CLNK: variants seen among roughly 807,000 people sequenced by gnomAD.
The protein encoded by CLNK is cytokine-dependent hematopoietic cell linker.
A neutral mutation model predicts 68.6 loss-of-function variants in CLNK; 74 were observed. That is an observed-to-expected ratio of 1.08 (90% CI 0.89 to 1.31). The LOEUF is 1.31. Among genes scored for constraint, CLNK ranks in the 50% most tolerant of loss-of-function variants. The pLI is 0.00. For synonymous variants in CLNK, 198 were observed against 172.2 expected, an observed-to-expected ratio of 1.15 and a Z score of -1.17; for missense variants, 553 against 515.3, an observed-to-expected ratio of 1.07 and a Z score of -0.71.
chr4:10,568,003 A>T (rs1315016404), intron 5 of CLNK, among the ~76,000 whole-genome samples: 1 of 152,256 alleles, frequency 6.6e-6, no homozygotes, highest in African/African-American at 2.4e-5. Flanking sequence ...GCTGCAGAAA[A>T]TGCTTTGGCA....
chr4:10,712,616 G>A, the CLNK span, among the ~76,000 whole-genome samples: 2 of 152,220 alleles, frequency 1.3e-5, no homozygotes, highest in African/African-American at 4.8e-5. Context: ...GTGGAATTCT[G>A]TTAAGGCATA....
chr4:10,543,857 T>C (rs1325477349), intron 8 of CLNK, among the ~76,000 whole-genome samples: 3 of 152,268 alleles, frequency 2.0e-5, no homozygotes, highest in African/African-American at 4.8e-5. Flanking sequence ...ATAACTGATG[T>C]CCTTGGCATT....
chr4:10,624,315 G>T (rs1030882640), intron 2 of CLNK, among the ~76,000 whole-genome samples: 10 of 151,320 alleles, frequency 6.6e-5, no homozygotes, highest in African/African-American at 2.2e-4. Context: ...TAGTTTTTTG[G>T]TTTTTTTTTG....
At chr4:10,495,741 G>A (rs898502452) in intron 18 of CLNK, among the ~76,000 whole-genome samples, 5 of 152,118 alleles carry the variant, frequency 3.3e-5, no homozygotes, top group African/African-American at 1.2e-4. Flanking sequence ...TCATAAGATA[G>A]GAGCAGTGGA....
chr4:10,593,739 A>G (rs560112576), intron 3 of CLNK, among the ~76,000 whole-genome samples: 21 of 152,312 alleles, frequency 1.4e-4, no homozygotes, highest in African/African-American at 4.6e-4. Context: ...ATGGGCCCTG[A>G]GAAATTATGG....
intron 18 of CLNK, among the ~76,000 whole-genome samples, chr4:10,499,981 T>G (rs888788137): frequency 3.3e-4 from 51 of 152,292 alleles, no homozygotes; most frequent in African/African-American, 1.1e-3. Flanking sequence ...CTACTGAGGG[T>G]TAGGACTTCA....
At chr4:10,540,938 G>A (rs1257786803) in intron 10 of CLNK, among the ~76,000 whole-genome samples, 1 of 152,136 alleles carries the variant, frequency 6.6e-6, no homozygotes, top group Non-Finnish European at 1.5e-5. Flanking sequence ...AAAGTGGCCA[G>A]GCATGGTGGC....
chr4:10,598,405 A>C (rs1279754766), intron 2 of CLNK, among the ~76,000 whole-genome samples: 3 of 152,210 alleles, frequency 2.0e-5, no homozygotes, highest in African/African-American at 7.2e-5. Context: ...AAAATGAAGA[A>C]TATCATACTT....
intron 4 of CLNK, among the ~76,000 whole-genome samples, chr4:10,582,494 A>G (rs1316978713): frequency 6.6e-6 from 1 of 152,188 alleles, no homozygotes; most frequent in Non-Finnish European, 1.5e-5. Flanking sequence ...TTAAGACAGA[A>G]GGACCCACTT....
intron 2 of CLNK, among the ~76,000 whole-genome samples, chr4:10,655,637 A>ATTTTTT (rs869196104): frequency 1.3e-5 from 1 of 74,806 alleles, no homozygotes; most frequent in African/African-American, 5.6e-5. Context: ...GATAGATAGC[A>ATTTTTT]TTTTTTTTTT....
At chr4:10,659,954 C>A (rs755386649) in intron 2 of CLNK, among the ~76,000 whole-genome samples, 4 of 152,186 alleles carry the variant, frequency 2.6e-5, no homozygotes, top group Admixed American at 6.5e-5. Context: ...TATGTCTCAT[C>A]TGTAGGGGAA....
chr4:10,610,033 G>GTTTTTTTTTTTT (rs71181047), intron 2 of CLNK, among the ~76,000 whole-genome samples: 4 of 73,448 alleles, frequency 5.4e-5, no homozygotes, highest in South Asian at 5.7e-4. Context: ...ATGAATGCTC[G>GTTTTTTTTTTTT]TTTTTTTTTT....
chr4:10,632,216 T>A (rs1394442724), intron 2 of CLNK, among the ~76,000 whole-genome samples: 2 of 152,222 alleles, frequency 1.3e-5, no homozygotes, highest in East Asian at 3.8e-4. Flanking sequence ...TCCTTGACCA[T>A]CTCATGCCTC....
At chr4:10,699,186 C>G in the CLNK span, among the ~76,000 whole-genome samples, 3 of 132,808 alleles carry the variant, frequency 2.3e-5, no homozygotes, top group East Asian at 7.0e-4. Flanking sequence ...CTTTCTCTCT[C>G]TCTCTGTCTC....
At chr4:10,506,562 A>G (rs916691710) in intron 17 of CLNK, among the ~76,000 whole-genome samples, 1 of 152,198 alleles carries the variant, frequency 6.6e-6, no homozygotes, top group Non-Finnish European at 1.5e-5. Flanking sequence ...TAAAGACCCA[A>G]CAGTACTTTG....
At chr4:10,531,919 G>A (rs1162400468) in intron 12 of CLNK, among the ~76,000 whole-genome samples, 2 of 152,178 alleles carry the variant, frequency 1.3e-5, no homozygotes, top group African/African-American at 2.4e-5. Flanking sequence ...ATAGCAAAGT[G>A]CAATACCATT....
chr4:10,560,156 T>A (rs756126628), intron 7 of CLNK, among the ~76,000 whole-genome samples: 1 of 152,164 alleles, frequency 6.6e-6, no homozygotes, highest in Non-Finnish European at 1.5e-5. Flanking sequence ...TCTGCGTGCG[T>A]TTGCACACTG....
chr4:10,636,481 T>C (rs1723096413), intron 2 of CLNK, among the ~76,000 whole-genome samples: 1 of 152,210 alleles, frequency 6.6e-6, no homozygotes, highest in Non-Finnish European at 1.5e-5. Context: ...GACTTTGGCC[T>C]CCTGATTTGT....
chr4:10,598,969 T>A (rs540132569), intron 2 of CLNK, among the ~76,000 whole-genome samples: 1 of 152,324 alleles, frequency 6.6e-6, no homozygotes, highest in East Asian at 1.9e-4. Flanking sequence ...CTTTATCAGA[T>A]GCCCTTGTCT....
Sources: gnomAD v4.1 joint callset for allele counts (sites outside exome capture counted in the v4.1 genomes callset) on GRCh38, gnomAD v4.1.1 for gene constraint, MANE v1.5 for transcripts, NCBI Gene and HGNC (gene_info 2026-07-23, HGNC 2026-07-21) for gene names.